SLC20A2: variants seen among roughly 807,000 people sequenced by gnomAD.
SLC20A2 encodes solute carrier family 20 member 2.
A neutral mutation model predicts 61.0 loss-of-function variants in SLC20A2; 30 were observed. That is an observed-to-expected ratio of 0.49 (90% confidence interval 0.37 to 0.67). The LOEUF is 0.67. Ranked by LOEUF, SLC20A2 falls within the 30% of genes least tolerant of loss-of-function variation. The pLI, the probability that SLC20A2 is intolerant of heterozygous loss-of-function variation, is 0.00. For missense variants in SLC20A2, 626 were observed against 866.4 expected, an observed-to-expected ratio of 0.72 and a Z score of 3.48; for synonymous variants, 351 against 353.3, an observed-to-expected ratio of 0.99 and a Z score of 0.07.
chr8:42,517,756 G>A (rs1232458874), intron 1 of SLC20A2, among the ~76,000 whole-genome samples: 3 of 152,008 alleles, frequency 2.0e-5, no homozygotes, highest in Non-Finnish European at 4.4e-5. Context: ...TATCCAGAAG[G>A]AGTCAATTAA....
At chr8:42,475,923 G>C (rs909970977) in intron 1 of SLC20A2, among the ~76,000 whole-genome samples, 8 of 151,932 alleles carry the variant, frequency 5.3e-5, no homozygotes, top group Non-Finnish European at 7.4e-5. Context: ...ATTAAACATG[G>C]GGGTGGAGAG....
intron 1 of SLC20A2, among the ~76,000 whole-genome samples, chr8:42,532,130 C>A (rs1415267528): frequency 6.6e-6 from 1 of 151,984 alleles, no homozygotes; most frequent in Non-Finnish European, 1.5e-5. Flanking sequence ...CCTGGCCAGT[C>A]TCTGTCTGCT....
intron 8 of SLC20A2, among the ~76,000 whole-genome samples, chr8:42,433,934 G>A (rs1484670358): frequency 6.6e-6 from 1 of 152,162 alleles, no homozygotes; most frequent in East Asian, 1.9e-4. Context: ...CCTCCATCCT[G>A]TTTTCCATAG....
rs560631249 is a variant in SLC20A2, at chr8:42,483,300, G to C, written c.-264-10646C>G. On this transcript the variant is annotated intron_variant, in intron 1 of 10. Coordinates refer to ENST00000520262, the MANE Select transcript of SLC20A2 (RefSeq NM_001257180.2). ...GCGGAGGCATTGGTTGAACCCAGGAGGCAGAGGTTGCAGTAAGGCGAGATC... is the reference window on the plus strand; with the variant it reads ...GCGGAGGCATTGGTTGAACCCAGGACGCAGAGGTTGCAGTAAGGCGAGATC... 6.6e-5 allele frequency among the ~76,000 whole-genome samples: 10 copies of C among 152,312 alleles called. No homozygotes were observed. The East Asian group carries it at 1.7e-3, about 26-fold the overall frequency.
intron 1 of SLC20A2, among the ~76,000 whole-genome samples, chr8:42,495,682 A>G (rs904014882): frequency 6.6e-6 from 1 of 152,132 alleles, no homozygotes; most frequent in Non-Finnish European, 1.5e-5. Context: ...CACCTCAAGC[A>G]ATTTTTAGTA....
chr8:42,533,292 G>A (rs79707228), intron 1 of SLC20A2, among the ~76,000 whole-genome samples: 3,124 of 152,144 alleles, frequency 0.021, 104 homozygotes, highest in African/African-American at 0.071. Context: ...AGTGCTCTTC[G>A]TTCTAATCAA....
Position 42,428,824 on chromosome 8 carries a change from C to T in SLC20A2, c.1728G>A (p.Leu576=). The part of the protein sequence containing the change: ...ITPSSGFTIE[L]ASAFTVVIAS... ...CGATCACCACTGTGAAGGCTGAGGC[C>T]AGCTCGATCGTGAAGCCGCTGTGGG... Residue 576 remains leucine, a synonymous_variant, in exon 10 of 11, where the codon CTG becomes CTA. Transcript: ENST00000520262. 6.9e-6 allele frequency: 11 copies of T among 1,603,068 alleles called. No individual in the cohort carries two copies. The highest frequency in any genetic ancestry group is 9.4e-6 in the Non-Finnish European group (11 of 1,174,980).
At position 42,424,723 on chromosome 8, in the gene SLC20A2, G is replaced by A. The variant is rs1425690553; in HGVS notation, c.1794+4035C>T. Among the ~76,000 whole-genome samples the A allele has an allele frequency of 3.3e-5, 5 of 152,168 alleles. No homozygotes were observed. In the East Asian group the frequency reaches 9.6e-4, roughly 29 times the overall value. The stretch of plus-strand genomic sequence containing the variant: ...CATAATATAGTATGGTTTCATAAAT[G>A]TTTTGAAATAGGCTACGACAAAATT... On this transcript the variant is annotated intron_variant, in intron 10 of 10. Transcript: ENST00000520262.
intron 1 of SLC20A2, among the ~76,000 whole-genome samples, chr8:42,478,821 C>A (rs572689611): frequency 1.8e-3 from 280 of 151,822 alleles, no homozygotes; most frequent in African/African-American, 6.3e-3. Context: ...ATATTGCAAG[C>A]ATTGCCCCCC....
rs1381940946 is a variant in SLC20A2, at chr8:42,437,163, C to T, written c.1349G>A (p.Gly450Asp). Residue 450 changes from glycine (G) to aspartate (D), a missense_variant, in exon 8 of 11, where the codon GGC (glycine) becomes GAC (aspartate). Physicochemically the swap from Gly to Asp is moderately conservative, Grantham distance 94. This residue lies in a region of SLC20A2 where 361 missense variants were observed against 422.3 expected (regional missense o/e 0.85). Transcript: ENST00000520262. This position sits in a 1 kb window ranked among gnomAD's most constrained non-coding sequence, Gnocchi z 6.4. ...VAEAEIEAEE[G>D]GVEMKLASEL... ...CGACGCCAGCTTCATCTCCACGCCGCCCTCCTCCGCCTCGATCTCCGCCTC... is the reference window on the plus strand; with the variant it reads ...CGACGCCAGCTTCATCTCCACGCCGTCCTCCTCCGCCTCGATCTCCGCCTC... 41 of 1,613,590 alleles carry T rather than the reference C, an allele frequency of 2.5e-5. No individual in the cohort carries two copies. The highest frequency in any genetic ancestry group is 3.3e-5 in the Admixed American group (2 of 60,014).
At chr8:42,467,438 T>C (rs1220189257) in intron 2 of SLC20A2, among the ~76,000 whole-genome samples, 1 of 152,224 alleles carries the variant, frequency 6.6e-6, no homozygotes, top group African/African-American at 2.4e-5. Context: ...AAAGCTCCCA[T>C]GGAACTGTAG....
chr8:42,449,968 C>A (rs565581216), intron 5 of SLC20A2, among the ~76,000 whole-genome samples: 1 of 152,324 alleles, frequency 6.6e-6, no homozygotes, highest in South Asian at 2.1e-4. Flanking sequence ...AACATTCACA[C>A]TTATGTGTGC....
At chr8:42,439,760 G>T in intron 6 of SLC20A2, 107 bp from the exon 7 acceptor site, 2 of 876,156 alleles carry the variant, frequency 2.3e-6, no homozygotes, top group Non-Finnish European at 1.7e-6. Context: ...ACTGATTTTG[G>T]AAACAAAAAA....
At chr8:42,529,645 T>C (rs1812203199) in intron 1 of SLC20A2, among the ~76,000 whole-genome samples, 1 of 152,210 alleles carries the variant, frequency 6.6e-6, no homozygotes, top group African/African-American at 2.4e-5. Flanking sequence ...ATCTCAGCAA[T>C]GCCTCAGACA....
At chr8:42,496,123 A>G (rs1174675727) in intron 1 of SLC20A2, among the ~76,000 whole-genome samples, 1 of 152,196 alleles carries the variant, frequency 6.6e-6, no homozygotes, top group Admixed American at 6.5e-5. Context: ...TTTTTCAGAC[A>G]TGGCAGTGCG....
intron 1 of SLC20A2, among the ~76,000 whole-genome samples, chr8:42,511,867 A>C (rs1360068739): frequency 6.6e-6 from 1 of 152,138 alleles, no homozygotes; most frequent in African/African-American, 2.4e-5. Context: ...AGCAAAAAAC[A>C]AACAAAAAAC....
In SLC20A2 at chr8:42,454,297, C is replaced by T. The variant is rs568289308; in HGVS notation, c.613+5599G>A. ...GATTACAGGCGTGAGCCACCGCGCC[C>T]GGCCGAATTTTGGTATCTACGGAGG... On this transcript the variant is annotated intron_variant, in intron 5 of 10. Coordinates refer to ENST00000520262, the MANE Select transcript of SLC20A2 (RefSeq NM_001257180.2). 1.7e-3 allele frequency among the ~76,000 whole-genome samples: 256 copies of T among 152,316 alleles called. 1 individual carries two copies. Among genetic ancestry groups the T allele is most frequent in the Admixed American group, 4.0e-3 (61 of 15,300 alleles).
chr8:42,511,631 A>G (rs2041363342), intron 1 of SLC20A2, among the ~76,000 whole-genome samples: 1 of 151,832 alleles, frequency 6.6e-6, no homozygotes. Flanking sequence ...CATCTCAAAA[A>G]AAAAAAAGAA....
At chr8:42,468,504 T>G (rs1408994999) in intron 2 of SLC20A2, among the ~76,000 whole-genome samples, 1 of 152,140 alleles carries the variant, frequency 6.6e-6, no homozygotes, top group Admixed American at 6.6e-5. Flanking sequence ...TGATAGCACC[T>G]TAGCCTCAGG....
Sources: gnomAD v4.1 joint callset for allele counts (sites outside exome capture counted in the v4.1 genomes callset) on GRCh38, gnomAD v4.1.1 for gene constraint, gnomAD v4.1.1 regional missense constraint, Gnocchi (gnomAD v3.1) non-coding constraint, MANE v1.5 for transcripts, NCBI Gene and HGNC (gene_info 2026-07-23, HGNC 2026-07-21) for gene names.